The following NPRL3 variants were observed in gnomAD, a reference collection of about 807,000 sequenced individuals.
NPRL3 encodes the protein NPR3 like, GATOR1 complex subunit.
NPRL3 carries 23 observed loss-of-function variants against 57.2 expected under a neutral mutation model. The observed-to-expected ratio is 0.40, with a 90% CI of 0.29 to 0.57. The LOEUF is 0.57. Ranked by LOEUF, NPRL3 falls within the 20% of genes least tolerant of loss-of-function variation. The probability of loss-of-function intolerance (pLI) is 0.42; values close to 1 mark genes in which losing one functional copy is unlikely to be tolerated. For synonymous variants in NPRL3, 333 were observed against 321.1 expected, an observed-to-expected ratio of 1.04 and a Z score of -0.39; for missense variants, 691 against 767.1, an observed-to-expected ratio of 0.90 and a Z score of 1.17.
chr16:138,237 T>A lies in NPRL3; in HGVS notation c.31A>T (p.Ile11Phe). The change falls in exon 2 of 14, where the codon ATT (isoleucine) becomes TTT (phenylalanine). Residue 11 changes from isoleucine to phenylalanine, a missense_variant. Transcript: ENST00000611875. The part of the protein sequence containing the change: MRDNTSPISV[I>F]LVSSGSRGNK... ...CCCCTGCTCCCCGAGCTCACCAGAATCACGCTGATGGGGCTGGTGTTGTCC... is the reference window on the plus strand; with the variant it reads ...CCCCTGCTCCCCGAGCTCACCAGAAACACGCTGATGGGGCTGGTGTTGTCC... 6.2e-7 allele frequency: 1 copy of A among 1,608,564 alleles called. No individual in the cohort carries two copies. Among genetic ancestry groups the A allele is most frequent in the Non-Finnish European group, 8.5e-7 (1 of 1,177,898 alleles).
At chr16:134,910 C>G (rs1035059269) in intron 2 of NPRL3, among the ~76,000 whole-genome samples, 9 of 151,442 alleles carry the variant, frequency 5.9e-5, no homozygotes, top group Admixed American at 1.3e-4. Context: ...ACCTTGTTAG[C>G]CAGGATGGTC....
chr16:89,702 G>T lies in NPRL3; in HGVS notation c.1351+11C>A, dbSNP rs745419536. 1 of 1,555,510 alleles carries T rather than the reference G, an allele frequency of 6.4e-7. No homozygotes were observed. The highest frequency in any genetic ancestry group is 8.6e-7 in the Non-Finnish European group (1 of 1,158,136). ...CCCCTGACTACCACAGCGGTGCCCTGGGGGTCCTACTTGGGGAGCCAAAGC... is the reference window on the plus strand; with the variant it reads ...CCCCTGACTACCACAGCGGTGCCCTTGGGGTCCTACTTGGGGAGCCAAAGC... On this transcript the variant is annotated intron_variant, in intron 12 of 13. Transcript: ENST00000611875.
At chr16:97,506 G>A (rs562459571) in intron 9 of NPRL3, among the ~76,000 whole-genome samples, 1 of 148,312 alleles carries the variant, frequency 6.7e-6, no homozygotes, top group East Asian at 2.0e-4. Flanking sequence ...TGACAGGCAT[G>A]AGCCACCGTG....
chr16:138,260 T>C lies in NPRL3; in HGVS notation c.8A>G (p.Asp3Gly). Residue 3 changes from aspartate to glycine, a missense_variant, in exon 2 of 14, where the codon GAC (aspartate) becomes GGC (glycine). Asp to Gly is a moderately conservative substitution (Grantham distance 94, BLOSUM62 -1). Coordinates refer to ENST00000611875, the MANE Select transcript of NPRL3 (RefSeq NM_001077350.3). MR[D>G]NTSPISVILV... ...AATCACGCTGATGGGGCTGGTGTTG[T>C]CCCGCATCCCGCCGTGGGGCCGGGG... is the stretch of plus-strand genomic sequence containing the variant. 1 of 1,599,496 alleles carries C rather than the reference T, an allele frequency of 6.3e-7. No homozygotes were observed. The highest frequency in any genetic ancestry group is 8.5e-7 in the Non-Finnish European group (1 of 1,173,950).
chr16:92,977 G>T, intron 10 of NPRL3: 1 of 618,326 alleles, frequency 1.6e-6, no homozygotes, highest in Non-Finnish European at 2.8e-6. Context: ...GATTAGAAGA[G>T]CCAGCCTGGA....
chr16:109,326 T>C (rs1175575828), intron 7 of NPRL3, among the ~76,000 whole-genome samples: 1 of 151,690 alleles, frequency 6.6e-6, no homozygotes, highest in Non-Finnish European at 1.5e-5. Flanking sequence ...AACTGTGAGG[T>C]TTTCATGGTA....
intron 13 of NPRL3, among the ~76,000 whole-genome samples, chr16:87,402 TTCTC>T (rs572768655): frequency 6.6e-6 from 1 of 151,908 alleles, no homozygotes; most frequent in African/African-American, 2.4e-5. Flanking sequence ...CCTGGCTAAT[TTCTC>T]TCTTTTTTAG....
At chr16:95,233 G>T (rs1052601904) in intron 9 of NPRL3, among the ~76,000 whole-genome samples, 2 of 151,668 alleles carry the variant, frequency 1.3e-5, no homozygotes, top group South Asian at 4.2e-4. Flanking sequence ...GGATTAGGAT[G>T]TGTATATCTG....
rs1350332332 is a variant in NPRL3, at chr16:85,636, T to TGA, written c.*1067_*1068dup. Reference sequence around the variant, plus strand: ...TGGAGCGTGGTCCCCTGGAGCCCAGTGAGCCGGCTGTAGTGGCAGCAGCCC... The same window carrying TGA: ...TGGAGCGTGGTCCCCTGGAGCCCAGTGAGAGCCGGCTGTAGTGGCAGCAGCCC... On this transcript the variant is annotated 3_prime_UTR_variant, in exon 14 of 14. Coordinates refer to ENST00000611875, the MANE Select transcript of NPRL3 (RefSeq NM_001077350.3). 2 of 1,594,580 alleles carry TGA rather than the reference T, an allele frequency of 1.3e-6. No homozygotes were observed. The highest frequency in any genetic ancestry group is 2.7e-5 in the African/African-American group (2 of 74,478).
At chr16:94,608 C>T (rs1312239806) in intron 9 of NPRL3, among the ~76,000 whole-genome samples, 1 of 152,106 alleles carries the variant, frequency 6.6e-6, no homozygotes, top group Non-Finnish European at 1.5e-5. Flanking sequence ...ATTTAATTAG[C>T]CAGGCACTGC....
At chr16:128,545 G>A (rs1314565935) in intron 3 of NPRL3, among the ~76,000 whole-genome samples, 1 of 152,068 alleles carries the variant, frequency 6.6e-6, no homozygotes, top group African/African-American at 2.4e-5. Flanking sequence ...GAGGCTGGTG[G>A]ATCACAAGGT....
At chr16:89,926 T>G in intron 11 of NPRL3, 24 bp from the exon 12 acceptor site, 1 of 1,536,940 alleles carries the variant, frequency 6.5e-7, no homozygotes, top group Non-Finnish European at 8.8e-7. Context: ...CAGGTGAGGC[T>G]GGTCCCCCTC....
Position 93,571 on chromosome 16 carries a change from T to G in NPRL3, c.925-246A>C, listed in dbSNP as rs571730955. ...CACTTTCTGTGAGCAATGGTTTTTT[T>G]TTTTTTTTTTTTGGAGACAGTCTTG... On this transcript the variant is annotated intron_variant, in intron 9 of 13. Transcript: ENST00000611875. Among the ~76,000 whole-genome samples the G allele has an allele frequency of 1.1e-4, 16 of 151,664 alleles. No individual in the cohort carries two copies. In the South Asian group the frequency reaches 2.7e-3, roughly 26 times the overall value.
intron 4 of NPRL3, among the ~76,000 whole-genome samples, chr16:117,686 C>G (rs530782581): frequency 6.6e-6 from 1 of 152,228 alleles, no homozygotes. Flanking sequence ...CCACTGCCTT[C>G]CCGTGCCCGC....
intron 8 of NPRL3, 127 bp from the exon 9 acceptor site, chr16:98,428 G>A (rs1899121049): frequency 1.9e-6 from 2 of 1,028,812 alleles, no homozygotes; most frequent in South Asian, 3.2e-5. Context: ...CACCGGGTAT[G>A]CACCAGGTAT....
chr16:90,000 C>G (rs1898696765), intron 11 of NPRL3, 98 bp from the exon 12 acceptor site: 1 of 1,162,482 alleles, frequency 8.6e-7, no homozygotes, highest in Non-Finnish European at 1.2e-6. Flanking sequence ...ACAGCACGCT[C>G]CCTGTGCTGA....
chr16:126,097 C>T (rs1023057261), intron 3 of NPRL3: 1 of 152,220 alleles, frequency 6.6e-6, no homozygotes, highest in Non-Finnish European at 1.5e-5. Context: ...GAGCTGGTAG[C>T]TGGGTGAGGG....
intron 2 of NPRL3, among the ~76,000 whole-genome samples, chr16:137,497 C>G (rs1901155322): frequency 6.6e-6 from 1 of 152,090 alleles, no homozygotes; most frequent in South Asian, 2.1e-4. Context: ...CAGGGGTGAT[C>G]CCTGTGCTTG....
At chr16:110,756 G>C in intron 6 of NPRL3, 150 bp from the exon 7 acceptor site, 1 of 606,084 alleles carries the variant, frequency 1.6e-6, no homozygotes. Flanking sequence ...CACCATGTTG[G>C]CCAGGCTGGT....
Sources: gnomAD v4.1 joint callset for allele counts (sites outside exome capture counted in the v4.1 genomes callset) on GRCh38, gnomAD v4.1.1 for gene constraint, MANE v1.5 for transcripts, NCBI Gene and HGNC (gene_info 2026-07-23, HGNC 2026-07-21) for gene names.